Variants in SUCLG2 observed in about 807,000 individuals in gnomAD.
SUCLG2 encodes the protein succinate--CoA ligase [GDP-forming] subunit beta, mitochondrial.
A neutral mutation model predicts 47.9 loss-of-function variants in SUCLG2; 42 were observed. The ratio of observed to expected loss-of-function variants is 0.88; its 90% confidence interval spans 0.69 to 1.14. The LOEUF (loss-of-function observed/expected upper bound fraction) is 1.14, where lower values mean the gene tolerates loss of function less well. Among genes scored for constraint, SUCLG2 ranks in the 50% most tolerant of loss-of-function variants. SUCLG2 has a pLI of 0.00. For missense variants in SUCLG2, 571 were observed against 525.9 expected (o/e 1.09, Z -0.84); for synonymous variants, 195 against 197.3 (o/e 0.99, Z 0.10).
At chr3:67,360,930 A>C (rs1180946719) in intron 10 of SUCLG2, among the ~76,000 whole-genome samples, 1 of 152,104 alleles carries the variant, frequency 6.6e-6, no homozygotes, top group Non-Finnish European at 1.5e-5. Context: ...TGAGGACTGA[A>C]CTTTTTTCCC....
intron 10 of SUCLG2, among the ~76,000 whole-genome samples, chr3:67,393,704 C>T (rs957620712): frequency 4.6e-5 from 7 of 152,200 alleles, no homozygotes; most frequent in Non-Finnish European, 5.9e-5. Context: ...GATCTGAGAA[C>T]GGGCAGACTG....
chr3:67,414,699 T>C (rs1042252801), intron 9 of SUCLG2, among the ~76,000 whole-genome samples: 3 of 152,190 alleles, frequency 2.0e-5, no homozygotes, highest in Non-Finnish European at 4.4e-5. Flanking sequence ...GAGAGCAGCA[T>C]CTGTCCTTAC....
chr3:67,598,135 C>A (rs1430024458), intron 2 of SUCLG2, among the ~76,000 whole-genome samples: 1 of 151,996 alleles, frequency 6.6e-6, no homozygotes. Flanking sequence ...CGCATGCCGC[C>A]ATGCCCAGCT....
Position 67,540,542 on chromosome 3 carries a change from C to A in SUCLG2, c.227-11356G>T, listed in dbSNP as rs552590176. ...GCATCTCTGAAAGCAAGGCAGCAGC[C>A]CCAGTCAGGGACTTATAGATCAAAC... On this transcript the variant is annotated intron_variant, in intron 2 of 10. Coordinates refer to ENST00000307227, the MANE Select transcript of SUCLG2 (RefSeq NM_003848.4). Among the ~76,000 whole-genome samples the A allele has an allele frequency of 3.9e-5, 6 of 152,214 alleles. No individual in the cohort carries two copies. The South Asian group carries it at 8.3e-4, about 21-fold the overall frequency.
chr3:67,625,483 A>T (rs1700810404), intron 1 of SUCLG2, among the ~76,000 whole-genome samples: 1 of 152,206 alleles, frequency 6.6e-6, no homozygotes, highest in Non-Finnish European at 1.5e-5. Flanking sequence ...AGATCCAGCC[A>T]GCATCTAATT....
intron 9 of SUCLG2, among the ~76,000 whole-genome samples, chr3:67,434,801 G>A (rs1703576051): frequency 6.6e-6 from 1 of 152,138 alleles, no homozygotes; most frequent in Non-Finnish European, 1.5e-5. Flanking sequence ...GATGCAATGA[G>A]TTCATTTCTT....
At chr3:67,553,091 C>A (rs1376809429) in intron 2 of SUCLG2, among the ~76,000 whole-genome samples, 1 of 152,226 alleles carries the variant, frequency 6.6e-6, no homozygotes, top group African/African-American at 2.4e-5. Context: ...CCCATCCCAA[C>A]CAAGAAGTGG....
Position 67,526,118 on chromosome 3 carries a change from A to G in SUCLG2, c.417+2014T>C, listed in dbSNP as rs535734500. On this transcript the variant is annotated intron_variant, in intron 4 of 10. Transcript: ENST00000307227. ...ATATGGCCTTTCTTGCTTCATCCTC[A>G]CATGGCAGAAAGTGGAAATGCAAAA... 2.3e-4 allele frequency among the ~76,000 whole-genome samples: 35 copies of G among 152,302 alleles called. 1 individual carries two copies. The South Asian group carries it at 7.3e-3, about 32-fold the overall frequency.
intron 2 of SUCLG2, among the ~76,000 whole-genome samples, chr3:67,606,138 G>A (rs541160658): frequency 2.6e-5 from 4 of 152,206 alleles, no homozygotes; most frequent in Admixed American, 6.5e-5. Context: ...CCAGGAGTTC[G>A]AGATTGCACT....
chr3:67,400,281 ATTT>A (rs963689940), intron 10 of SUCLG2, among the ~76,000 whole-genome samples: 1 of 151,844 alleles, frequency 6.6e-6, no homozygotes, highest in African/African-American at 2.4e-5. Context: ...TATACAAATT[ATTT>A]TTTAAGAGTT....
rs911533984 is a variant in SUCLG2, at chr3:67,520,363, T to C, written c.570+119A>G. ...CAGAAAGAAAAAGGGCTCAGCATCT[T>C]CTTACCTTAAATTGTAGAGACAGAT... On this transcript the variant is annotated intron_variant, in intron 5 of 10. Transcript: ENST00000307227. The C allele has an allele frequency of 1.5e-4, 214 of 1,446,256 alleles. 1 individual carries two copies. The highest frequency in any genetic ancestry group is 3.5e-5 in the Non-Finnish European group (36 of 1,043,350). The allele number at this position is 1,446,256 out of a possible 1,614,324, so 89.6% of individuals were successfully genotyped here.
chr3:67,505,670 G>A (rs1043041612), intron 7 of SUCLG2, among the ~76,000 whole-genome samples: 5 of 152,102 alleles, frequency 3.3e-5, no homozygotes, highest in Non-Finnish European at 7.4e-5. Flanking sequence ...CCTACAAAGA[G>A]GTGGGTACAG....
intron 9 of SUCLG2, among the ~76,000 whole-genome samples, chr3:67,454,898 C>T (rs138912208): frequency 2.2e-3 from 325 of 146,780 alleles, no homozygotes; most frequent in Non-Finnish European, 3.9e-3. Context: ...GGAGGTGGAG[C>T]TTGTAGTGAG....
intron 9 of SUCLG2, among the ~76,000 whole-genome samples, chr3:67,495,312 CT>C (rs1183427279): frequency 6.6e-6 from 1 of 152,130 alleles, no homozygotes; most frequent in Non-Finnish European, 1.5e-5. Context: ...GATCCCAAGC[CT>C]TTTACCCAAA....
At chr3:67,478,457 C>A (rs1704824575) in intron 9 of SUCLG2, among the ~76,000 whole-genome samples, 1 of 152,174 alleles carries the variant, frequency 6.6e-6, no homozygotes, top group South Asian at 2.1e-4. Context: ...TATATAATGA[C>A]CCTTTCGGTT....
chr3:67,637,630 A>G (rs1042212471), intron 1 of SUCLG2, among the ~76,000 whole-genome samples: 18 of 152,208 alleles, frequency 1.2e-4, no homozygotes, highest in African/African-American at 4.3e-4. Flanking sequence ...AAAGCAAGCA[A>G]AGGCTGCCCT....
chr3:67,508,424 T>A (rs182577601), intron 7 of SUCLG2, among the ~76,000 whole-genome samples: 20 of 152,186 alleles, frequency 1.3e-4, no homozygotes, highest in Non-Finnish European at 2.4e-4. Context: ...TTTCCTTTTA[T>A]TATTTATTAT....
chr3:67,555,184 G>A (rs993563812), intron 2 of SUCLG2, among the ~76,000 whole-genome samples: 12 of 152,124 alleles, frequency 7.9e-5, no homozygotes, highest in African/African-American at 2.7e-4. Context: ...AATATGGAAA[G>A]GTAGGAGGCT....
intron 9 of SUCLG2, among the ~76,000 whole-genome samples, chr3:67,443,034 T>C (rs1703810804): frequency 6.6e-6 from 1 of 152,202 alleles, no homozygotes; most frequent in African/African-American, 2.4e-5. Flanking sequence ...GTGCTTAACA[T>C]GTACAGACTT....
Sources: allele counts gnomAD v4.1 joint callset (sites outside exome capture counted in the v4.1 genomes callset), GRCh38; gene constraint gnomAD v4.1.1; transcripts MANE v1.5; gene names NCBI Gene and HGNC (gene_info 2026-07-23, HGNC 2026-07-21).